The following SIRPG variants were observed in gnomAD, a reference collection of about 807,000 sequenced individuals.
The protein encoded by SIRPG is signal regulatory protein gamma.
A neutral mutation model predicts 35.7 loss-of-function variants in SIRPG; 38 were observed. That is an observed-to-expected ratio of 1.06 (90% CI 0.82 to 1.40). The LOEUF (loss-of-function observed/expected upper bound fraction) is 1.40, where lower values mean the gene tolerates loss of function less well. Ranked by LOEUF, SIRPG falls within the 40% of genes most tolerant of loss-of-function variation. The pLI, the probability that SIRPG is intolerant of heterozygous loss-of-function variation, is 0.00. For synonymous variants in SIRPG, 215 were observed against 190.4 expected, an observed-to-expected ratio of 1.13 and a Z score of -1.06; for missense variants, 519 against 483.0, an observed-to-expected ratio of 1.07 and a Z score of -0.70.
In SIRPG at chr20:1,657,677, G is replaced by A; in HGVS notation, c.38C>T (p.Pro13Leu). 1 of 1,614,206 alleles carries A rather than the reference G, an allele frequency of 6.2e-7. No homozygotes were observed. The highest frequency in any genetic ancestry group is 8.5e-7 in the Non-Finnish European group (1 of 1,180,026). ...VPASWPHPPG[P>L]FLLLTLLLGL... is the part of the protein sequence containing the mutation. ...CAGCAGTAGAGTCAGAAGCAGGAAA[G>A]GACCAGGAGGATGGGGCCAGGAGGC... is the stretch of plus-strand genomic sequence containing the variant. Residue 13 changes from proline to leucine, a missense_variant, in exon 1 of 6, where the codon CCT (proline) becomes CTT (leucine). Pro to Leu is a moderately conservative substitution (Grantham distance 98). Transcript: ENST00000303415.
the SIRPG span, among the ~76,000 whole-genome samples, chr20:1,669,615 C>A: frequency 1.3e-5 from 2 of 152,128 alleles, no homozygotes; most frequent in Non-Finnish European, 2.9e-5. Context: ...GCTGATCTGA[C>A]AAGGAATGGA....
the SIRPG span, among the ~76,000 whole-genome samples, chr20:1,677,581 C>T: frequency 6.6e-6 from 1 of 152,180 alleles, no homozygotes; most frequent in Non-Finnish European, 1.5e-5. Context: ...GGGAATTTTT[C>T]ACCCATAGCA....
At position 1,635,413 on chromosome 20, in the gene SIRPG, CT is replaced by C. The variant is rs780163170; in HGVS notation, c.934del (p.Ser312AlafsTer5). The C allele has an allele frequency of 1.2e-6, 2 of 1,614,004 alleles. No homozygotes were observed. The highest frequency in any genetic ancestry group is 1.7e-6 in the Non-Finnish European group (2 of 1,180,022). ...ENKDGTYNWT[S>X]WFLVNISDQR... is the part of the protein sequence containing the mutation. The stretch of plus-strand genomic sequence containing the variant: ...GTCAGATATGTTCACCAGGAACCAG[CT>C]TGTCCAGTTGTAGGTACCATCCTTG... On this transcript the variant is annotated frameshift_variant, in exon 4 of 6. Transcript: ENST00000303415. LOFTEE classifies it high-confidence loss of function.
chr20:1,634,397 T>C (rs1028955334), intron 4 of SIRPG, among the ~76,000 whole-genome samples: 63 of 151,878 alleles, frequency 4.1e-4, no homozygotes, highest in African/African-American at 1.2e-3. Flanking sequence ...TTAGTAGAGA[T>C]GGGGTTTCAC....
At chr20:1,663,085 G>A in the SIRPG span, among the ~76,000 whole-genome samples, 2 of 152,002 alleles carry the variant, frequency 1.3e-5, no homozygotes, top group Admixed American at 6.6e-5. Flanking sequence ...AGGCCAAAGC[G>A]GGCGGATCAC....
chr20:1,643,140 C>T (rs1159510979), intron 2 of SIRPG, among the ~76,000 whole-genome samples: 3 of 151,014 alleles, frequency 2.0e-5, no homozygotes, highest in African/African-American at 7.4e-5. Context: ...GGGAAGTTCT[C>T]CTGGATAATA....
chr20:1,682,299 C>T, the SIRPG span, among the ~76,000 whole-genome samples: 1 of 152,224 alleles, frequency 6.6e-6, no homozygotes, highest in South Asian at 2.1e-4. Flanking sequence ...TTTTAAAAAT[C>T]CTGTGTGTGT....
chr20:1,680,625 T>C, the SIRPG span, among the ~76,000 whole-genome samples: 1 of 152,204 alleles, frequency 6.6e-6, no homozygotes, highest in South Asian at 2.1e-4. Context: ...CAGATAATAG[T>C]TATTCCTGAA....
At chr20:1,681,867 T>G in the SIRPG span, among the ~76,000 whole-genome samples, 1 of 152,054 alleles carries the variant, frequency 6.6e-6, no homozygotes, top group African/African-American at 2.4e-5. Context: ...AAATAAAGTT[T>G]TTACTCAGTA....
chr20:1,637,267 T>C lies in SIRPG; in HGVS notation c.431-762A>G, dbSNP rs8119451. 274 of 239,088 alleles carry C rather than the reference T, an allele frequency of 1.1e-3. 1 individual carries two copies. Among genetic ancestry groups the C allele is most frequent in the African/African-American group, 6.2e-3 (262 of 42,208 alleles). The allele number at this position is 239,088 out of a possible 1,614,324, so 14.8% of individuals were successfully genotyped here. ...AAGCTTTAACATGGAGTCAAGCGTT[T>C]GTAAGAGCATTGCACTCACACCTGC... On this transcript the variant is annotated intron_variant, in intron 2 of 5. Coordinates refer to ENST00000303415, the MANE Select transcript of SIRPG (RefSeq NM_018556.4).
upstream of SIRPG, among the ~76,000 whole-genome samples, chr20:1,660,629 A>T (rs2091993563): frequency 6.6e-6 from 1 of 152,214 alleles, no homozygotes; most frequent in Non-Finnish European, 1.5e-5. Flanking sequence ...TTTTGTGGAA[A>T]TCACGTGGAG....
intron 5 of SIRPG, 65 bp downstream of exon 5, chr20:1,630,157 G>A: frequency 1.6e-6 from 2 of 1,235,572 alleles, no homozygotes; most frequent in Non-Finnish European, 2.3e-6. Flanking sequence ...ATGTGGGCTG[G>A]GCCTTCCTGT....
At chr20:1,652,556 A>G (rs189721226) in intron 1 of SIRPG, among the ~76,000 whole-genome samples, 8 of 152,348 alleles carry the variant, frequency 5.3e-5, no homozygotes, top group African/African-American at 1.9e-4. Flanking sequence ...CAAATGACAG[A>G]CAAACAATAT....
At chr20:1,630,368 C>A (rs953749025) in intron 4 of SIRPG, 62 bp from the exon 5 acceptor site, 78 of 1,304,518 alleles carry the variant, frequency 6.0e-5, no homozygotes, top group Non-Finnish European at 7.9e-5. Context: ...TTGTAGGGGC[C>A]TCCACTTACC....
rs569541055 is a variant in SIRPG at position 1,636,234 on chromosome 20, C to A, written c.702G>T (p.Gln234His). Residue 234 changes from glutamine (Q) to histidine (H), a missense_variant, in exon 3 of 6, where the codon CAG becomes CAT. By Grantham distance (24) the Gln-to-His change is conservative. Transcript: ENST00000303415. ...VICEVAHVTL[Q>H]GDPLRGTANL... ...TGGCAGTCCCACGAAGAGGGTCCCC[C>A]TGCAAGGTGACATGGGCCACCTCGC... The A allele has an allele frequency of 1.9e-6, 3 of 1,614,196 alleles. No homozygotes were observed. In the East Asian group the frequency reaches 6.7e-5, roughly 36 times the overall value.
chr20:1,635,024 C>A (rs1190946724), intron 4 of SIRPG, among the ~76,000 whole-genome samples: 1 of 147,450 alleles, frequency 6.8e-6, no homozygotes, highest in Non-Finnish European at 1.5e-5. Flanking sequence ...GTCTGGGCGA[C>A]AGAGCCAGAC....
At chr20:1,656,734 A>T (rs2091978487) in intron 1 of SIRPG, among the ~76,000 whole-genome samples, 1 of 152,166 alleles carries the variant, frequency 6.6e-6, no homozygotes, top group Non-Finnish European at 1.5e-5. Context: ...GAGGAAAGTC[A>T]AGATGACCAA....
the SIRPG span, among the ~76,000 whole-genome samples, chr20:1,675,217 C>G: frequency 6.6e-6 from 1 of 152,128 alleles, no homozygotes. Context: ...GTCCTCAGCA[C>G]CAAGAAGGGG....
the SIRPG span, among the ~76,000 whole-genome samples, chr20:1,668,488 T>C: frequency 1.3e-5 from 2 of 152,066 alleles, no homozygotes; most frequent in African/African-American, 4.8e-5. Context: ...TTCACCATGT[T>C]GGCCAGGCTG....
Sources: allele counts gnomAD v4.1 joint callset (sites outside exome capture counted in the v4.1 genomes callset), GRCh38; gene constraint gnomAD v4.1.1; transcripts MANE v1.5; gene names NCBI Gene and HGNC (gene_info 2026-07-23, HGNC 2026-07-21).